Variants in ZNF804B observed in about 807,000 individuals in gnomAD.
ZNF804B encodes the protein zinc finger protein 804B.
A neutral mutation model predicts 101.4 loss-of-function variants in ZNF804B; 80 were observed. The observed-to-expected ratio is 0.79, with a 90% confidence interval of 0.66 to 0.95. The LOEUF (loss-of-function observed/expected upper bound fraction) is 0.95. ZNF804B is among the 40% of genes least tolerant of loss of function. The pLI is 0.00. For synonymous variants in ZNF804B, 622 were observed against 558.8 expected (o/e 1.11, Z -1.59); for missense variants, 1,673 against 1,561.9 (o/e 1.07, Z -1.20).
intron 1 of ZNF804B, among the ~76,000 whole-genome samples, chr7:89,113,640 T>A (rs1165155821): frequency 6.6e-6 from 1 of 152,026 alleles, no homozygotes; most frequent in African/African-American, 2.4e-5. Context: ...TGAGGGCAAA[T>A]AACTAGTTCA....
intron 1 of ZNF804B, among the ~76,000 whole-genome samples, chr7:89,200,662 C>T (rs1185147592): frequency 1.3e-5 from 2 of 152,024 alleles, no homozygotes; most frequent in Non-Finnish European, 2.9e-5. Flanking sequence ...ATGTCCCCCA[C>T]TCCCACACAA....
chr7:89,279,169 T>G (rs1033974220), intron 2 of ZNF804B, among the ~76,000 whole-genome samples: 22 of 152,114 alleles, frequency 1.4e-4, no homozygotes, highest in Admixed American at 5.9e-4. Flanking sequence ...TATTGGTGTA[T>G]AAGAATGCTT....
chr7:89,003,025 A>G (rs964232530), intron 1 of ZNF804B, among the ~76,000 whole-genome samples: 2 of 102,748 alleles, frequency 1.9e-5, no homozygotes, highest in Non-Finnish European at 4.1e-5. Context: ...TCACACAGCT[A>G]TATACTTTTT....
intron 1 of ZNF804B, among the ~76,000 whole-genome samples, chr7:89,072,860 C>T (rs1267560834): frequency 6.6e-6 from 1 of 152,042 alleles, no homozygotes; most frequent in South Asian, 2.1e-4. Flanking sequence ...ATTTTATCTT[C>T]TCTTAAACTA....
intron 1 of ZNF804B, among the ~76,000 whole-genome samples, chr7:88,913,038 A>G (rs934962008): frequency 1.3e-4 from 20 of 152,194 alleles, no homozygotes; most frequent in Admixed American, 1.2e-3. Context: ...CGAAATGTCA[A>G]CATAGGTAGC....
intron 1 of ZNF804B, among the ~76,000 whole-genome samples, chr7:88,787,649 T>A (rs985957533): frequency 2.0e-5 from 3 of 152,136 alleles, no homozygotes; most frequent in African/African-American, 7.2e-5. Context: ...TTAACACCAA[T>A]AACTAATCGT....
chr7:88,916,580 C>T (rs2115987200), intron 1 of ZNF804B, among the ~76,000 whole-genome samples: 1 of 152,166 alleles, frequency 6.6e-6, no homozygotes, highest in South Asian at 2.1e-4. Flanking sequence ...ATGTAAACAT[C>T]ATGGGTTGCT....
intron 1 of ZNF804B, 37 bp from the exon 2 acceptor site, chr7:89,218,118 A>G (rs1788924497): frequency 2.5e-6 from 4 of 1,596,054 alleles, no homozygotes; most frequent in East Asian, 2.2e-5. Flanking sequence ...GCTATTAGAG[A>G]GAAGTCTAAC....
chr7:89,259,168 T>C (rs1400380753), intron 2 of ZNF804B, among the ~76,000 whole-genome samples: 1 of 152,196 alleles, frequency 6.6e-6, no homozygotes, highest in Non-Finnish European at 1.5e-5. Flanking sequence ...TGATGTCTTC[T>C]TCCTCATCAT....
chr7:89,044,338 T>TATAAATTACC (rs1789069464), intron 1 of ZNF804B, among the ~76,000 whole-genome samples: 2 of 152,320 alleles, frequency 1.3e-5, no homozygotes, highest in Admixed American at 6.5e-5. Context: ...ATCTTTCCTT[T>TATAAATTACC]ATAAATTACC....
chr7:88,963,338 A>C (rs1793413970), intron 1 of ZNF804B, among the ~76,000 whole-genome samples: 1 of 151,344 alleles, frequency 6.6e-6, no homozygotes, highest in African/African-American at 2.4e-5. Context: ...CATGGAATAG[A>C]ACAGAGAGCA....
At chr7:89,323,967 T>C (rs767442195) in intron 2 of ZNF804B, among the ~76,000 whole-genome samples, 1 of 152,078 alleles carries the variant, frequency 6.6e-6, no homozygotes, top group Admixed American at 6.6e-5. Context: ...GGGAGAAAAA[T>C]AGAAATTTGG....
At chr7:89,060,593 A>G (rs1789364622) in intron 1 of ZNF804B, among the ~76,000 whole-genome samples, 1 of 152,140 alleles carries the variant, frequency 6.6e-6, no homozygotes, top group Non-Finnish European at 1.5e-5. Context: ...GAAAAAATAC[A>G]AGAAATCTCC....
At chr7:89,218,351 A>G (rs1788929065) in intron 2 of ZNF804B, 56 bp downstream of exon 2, 1 of 1,589,710 alleles carries the variant, frequency 6.3e-7, no homozygotes, top group Non-Finnish European at 8.6e-7. Flanking sequence ...TTCAGAACAG[A>G]ACTGTATGAA....
chr7:88,963,664 G>T (rs1367494962), intron 1 of ZNF804B, among the ~76,000 whole-genome samples: 5 of 151,156 alleles, frequency 3.3e-5, no homozygotes, highest in African/African-American at 9.7e-5. Context: ...AACAGAAAAA[G>T]AATGATAAGT....
chr7:88,939,787 G>T (rs915299007), intron 1 of ZNF804B, among the ~76,000 whole-genome samples: 1 of 151,184 alleles, frequency 6.6e-6, no homozygotes, highest in Non-Finnish European at 1.5e-5. Flanking sequence ...AAGCTTGAAA[G>T]CAAAAGACAT....
chr7:89,248,302 G>T (rs1584081577), intron 2 of ZNF804B, among the ~76,000 whole-genome samples: 1 of 151,994 alleles, frequency 6.6e-6, no homozygotes, highest in East Asian at 1.9e-4. Flanking sequence ...AAGGCATGTA[G>T]TCACCAGTCT....
chr7:88,949,317 TCTA>T (rs3034328), intron 1 of ZNF804B, among the ~76,000 whole-genome samples: 8,789 of 151,912 alleles, frequency 0.058, 604 homozygotes, highest in African/African-American at 0.17. Flanking sequence ...ATCCCTGGCC[TCTA>T]CTCACTGGAT....
chr7:88,837,111 T>C (rs372680178), intron 1 of ZNF804B, among the ~76,000 whole-genome samples: 2 of 151,956 alleles, frequency 1.3e-5, no homozygotes, highest in East Asian at 1.9e-4. Context: ...AAAGCACTTG[T>C]CCAATTGATT....
Sources: gnomAD v4.1 joint callset for allele counts (sites outside exome capture counted in the v4.1 genomes callset) on GRCh38, gnomAD v4.1.1 for gene constraint, MANE v1.5 for transcripts, NCBI Gene and HGNC (gene_info 2026-07-23, HGNC 2026-07-21) for gene names.